LIPA: variants seen among roughly 807,000 people sequenced by gnomAD.
LIPA encodes lipase A, lysosomal acid type.
In LIPA, 26 loss-of-function variants were observed where a neutral mutation model predicts 40.6. That is an observed-to-expected ratio of 0.64 (90% CI 0.47 to 0.89). LIPA has a LOEUF of 0.89. Ranked by LOEUF, LIPA falls within the 40% of genes least tolerant of loss-of-function variation. The probability of loss-of-function intolerance (pLI) is 0.00; values close to 1 mark genes in which losing one functional copy is unlikely to be tolerated. For synonymous variants in LIPA, 188 were observed against 168.4 expected, an observed-to-expected ratio of 1.12 and a Z score of -0.90; for missense variants, 455 against 479.6, an observed-to-expected ratio of 0.95 and a Z score of 0.48.
At chr10:89,355,318 A>G (rs1843983354) in intron 2 of LIPA, among the ~76,000 whole-genome samples, 1 of 152,184 alleles carries the variant, frequency 6.6e-6, no homozygotes, top group South Asian at 2.1e-4. Context: ...GCTCAACCCA[A>G]TAGCCCAGAA....
Position 89,260,530 on chromosome 10 carries a change from C to T in LIPA, c.-1-12881G>A, listed in dbSNP as rs531446890. On this transcript the variant is annotated intron_variant, in intron 1 of 5. Coordinates refer to the LIPA transcript ENST00000282673. The stretch of plus-strand genomic sequence containing the variant: ...AGAATGTTGTCTCACCCTTCATTGC[C>T]AGCAGGGGGCAGCAGTTCCCCAGGA... Among the ~76,000 whole-genome samples the T allele has an allele frequency of 3.0e-4, 46 of 152,292 alleles. 1 individual carries two copies. The highest frequency in any genetic ancestry group is 2.3e-3 in the Admixed American group (35 of 15,304).
chr10:89,386,272 G>A (rs557176461), intron 2 of LIPA, among the ~76,000 whole-genome samples: 2 of 152,284 alleles, frequency 1.3e-5, no homozygotes, highest in South Asian at 4.1e-4. Flanking sequence ...TTTTAAGATT[G>A]ACTTATGTTA....
chr10:89,272,747 C>T (rs930798807), intron 1 of LIPA, among the ~76,000 whole-genome samples: 1 of 152,192 alleles, frequency 6.6e-6, no homozygotes. Flanking sequence ...TCTACAACCT[C>T]GCCAGCATCT....
chr10:89,359,924 T>C (rs1464856412), intron 2 of LIPA, among the ~76,000 whole-genome samples: 3 of 152,136 alleles, frequency 2.0e-5, no homozygotes, highest in Non-Finnish European at 2.9e-5. Context: ...TAGCTCACTC[T>C]GCCTTGATCT....
chr10:89,296,968 G>A (rs2133513668), intron 1 of LIPA, among the ~76,000 whole-genome samples: 1 of 152,272 alleles, frequency 6.6e-6, no homozygotes, highest in East Asian at 1.9e-4. Flanking sequence ...TTCTGGTTCA[G>A]GATGGCTGAC....
At chr10:89,336,955 T>C (rs1843751811) in intron 1 of LIPA, among the ~76,000 whole-genome samples, 1 of 152,214 alleles carries the variant, frequency 6.6e-6, no homozygotes, top group African/African-American at 2.4e-5. Flanking sequence ...TCTTGCAATT[T>C]ATCCAGCTAA....
intron 1 of LIPA, among the ~76,000 whole-genome samples, chr10:89,321,817 C>T (rs1043253045): frequency 9.8e-5 from 15 of 152,312 alleles, no homozygotes; most frequent in East Asian, 7.7e-4. Flanking sequence ...TTGGAACCAA[C>T]CCAAATGTCC....
intron 1 of LIPA, among the ~76,000 whole-genome samples, chr10:89,318,815 A>T (rs1378135814): frequency 6.6e-6 from 1 of 152,216 alleles, no homozygotes; most frequent in Non-Finnish European, 1.5e-5. Context: ...AGTTGGAAGT[A>T]AAGCACTCCT....
chr10:89,314,777 T>C (rs891181296), intron 1 of LIPA: 2 of 152,228 alleles, frequency 1.3e-5, no homozygotes, highest in Non-Finnish European at 2.9e-5. Context: ...GAGCCAGGAA[T>C]TAGAACAAAA....
At chr10:89,243,228 A>C (rs1480608287) in intron 3 of LIPA, among the ~76,000 whole-genome samples, 1 of 152,224 alleles carries the variant, frequency 6.6e-6, no homozygotes, top group African/African-American at 2.4e-5. Context: ...GACAGTAAAG[A>C]GCCTCTGTCC....
intron 1 of LIPA, among the ~76,000 whole-genome samples, chr10:89,304,136 A>G (rs951793059): frequency 1.3e-5 from 2 of 152,200 alleles, no homozygotes; most frequent in Non-Finnish European, 2.9e-5. Flanking sequence ...GAATAAACAA[A>G]CAAACAAACA....
intron 2 of LIPA, chr10:89,384,336 G>GGC: frequency 6.2e-7 from 1 of 1,614,146 alleles, no homozygotes; most frequent in African/African-American, 1.3e-5. Context: ...CATTTGAGAT[G>GGC]GCCTATGTTG....
intron 1 of LIPA, chr10:89,412,956 T>C: frequency 4.5e-6 from 1 of 224,252 alleles, no homozygotes; most frequent in Non-Finnish European, 9.3e-6. Context: ...CACCATCACC[T>C]ACGTATTAAG....
chr10:89,388,885 A>ATCATGGGCTGAGTGG (rs1844226578), intron 2 of LIPA, among the ~76,000 whole-genome samples: 1 of 151,992 alleles, frequency 6.6e-6, no homozygotes, highest in African/African-American at 2.4e-5. Flanking sequence ...GGGCTGAGTG[A>ATCATGGGCTGAGTGG]TATCATGGGC....
At chr10:89,228,456 A>G in intron 3 of LIPA, 58 bp from the exon 4 acceptor site, 1 of 1,337,518 alleles carries the variant, frequency 7.5e-7, no homozygotes, top group Non-Finnish European at 1.1e-6. Flanking sequence ...CAAATATGAT[A>G]TCTTGCTAAA....
upstream of LIPA, among the ~76,000 whole-genome samples, chr10:89,344,323 T>C (rs1313431162): frequency 6.6e-6 from 1 of 152,216 alleles, no homozygotes; most frequent in Non-Finnish European, 1.5e-5. Context: ...GTGTTGGTGA[T>C]CTACATCACT....
chr10:89,394,577 AATATATATATATATATATATATAT>A (rs200060906), intron 2 of LIPA, among the ~76,000 whole-genome samples: 18,307 of 108,690 alleles, frequency 0.17, 2,031 homozygotes, highest in Non-Finnish European at 0.22. Flanking sequence ...ACTACAGGAA[AATATATATATATATATATATATAT>A]ATATATATAT....
At chr10:89,315,754 C>T (rs866773081) in intron 1 of LIPA, among the ~76,000 whole-genome samples, 47 of 152,212 alleles carry the variant, frequency 3.1e-4, no homozygotes, top group Admixed American at 1.2e-3. Context: ...CAGATCCCTC[C>T]AGGGCCTGGC....
chr10:89,403,460 C>T lies in LIPA; in HGVS notation c.61+9331G>A, dbSNP rs183139112. On this transcript the variant is annotated intron_variant, in intron 2 of 8. Coordinates refer to the LIPA transcript ENST00000371837. ...TTCAGGAATTTCAAAAGAAATCTGA[C>T]GTCAATGCAATTATCCATTATTTAA... The T allele has an allele frequency of 5.0e-6, 8 of 1,613,350 alleles. No homozygotes were observed. The East Asian group carries it at 6.7e-5, about 13-fold the overall frequency.
Sources: allele counts gnomAD v4.1 joint callset (sites outside exome capture counted in the v4.1 genomes callset), GRCh38; gene constraint gnomAD v4.1.1; transcripts MANE v1.5; gene names NCBI Gene and HGNC (gene_info 2026-07-23, HGNC 2026-07-21).